The following BLTP1 variants were observed in gnomAD, a reference collection of about 807,000 sequenced individuals.
BLTP1 encodes the protein bridge-like lipid transfer protein family member 1.
chr4:122,264,540 A>C, the BLTP1 span: 1 of 893,380 alleles, frequency 1.1e-6, no homozygotes, highest in Non-Finnish European at 1.5e-6. Context: ...TACCTTACCT[A>C]TCTGCCTACA....
At chr4:122,255,010 C>G in the BLTP1 span, 1 of 1,501,610 alleles carries the variant, frequency 6.7e-7, no homozygotes. Flanking sequence ...GAAAATGACC[C>G]CTTATTGTTA....
the BLTP1 span, among the ~76,000 whole-genome samples, chr4:122,154,691 G>C: frequency 6.6e-6 from 1 of 152,118 alleles, no homozygotes; most frequent in African/African-American, 2.4e-5. Flanking sequence ...GGCTAACATG[G>C]TGAAACCCCG....
chr4:122,362,080 A>G, the BLTP1 span: 1 of 1,613,104 alleles, frequency 6.2e-7, no homozygotes, highest in East Asian at 2.2e-5. Context: ...TGTTGATTAT[A>G]TTCTTCAAAA....
chr4:122,309,037 T>C, the BLTP1 span, among the ~76,000 whole-genome samples: 1 of 152,026 alleles, frequency 6.6e-6, no homozygotes, highest in Non-Finnish European at 1.5e-5. Flanking sequence ...AGGCTTGAGA[T>C]AGAAATGTAG....
chr4:122,277,977 ATACT>A, the BLTP1 span, among the ~76,000 whole-genome samples: 1 of 152,168 alleles, frequency 6.6e-6, no homozygotes, highest in Non-Finnish European at 1.5e-5. Context: ...ATGTGAGAAT[ATACT>A]TATTTTCTTC....
the BLTP1 span, among the ~76,000 whole-genome samples, chr4:122,322,504 C>T: frequency 2.6e-5 from 4 of 152,048 alleles, no homozygotes; most frequent in South Asian, 8.3e-4. Context: ...TTCCAACATC[C>T]CTTCTATGAG....
At chr4:122,282,368 G>A in the BLTP1 span, among the ~76,000 whole-genome samples, 22 of 152,238 alleles carry the variant, frequency 1.4e-4, no homozygotes, top group Middle Eastern at 3.4e-3. Context: ...TTGGCCGGGC[G>A]CAGTGGCTCA....
chr4:122,243,310 A>G, the BLTP1 span: 5 of 693,040 alleles, frequency 7.2e-6, no homozygotes, highest in South Asian at 1.3e-4. Context: ...CTTCAGTATC[A>G]TATTTTTCAT....
At chr4:122,221,938 T>C in the BLTP1 span, 1 of 977,410 alleles carries the variant, frequency 1.0e-6, no homozygotes, top group Non-Finnish European at 1.2e-6. Context: ...ATAGAAAACA[T>C]TTTATTGAGC....
chr4:122,279,840 C>T, the BLTP1 span: 3 of 1,613,986 alleles, frequency 1.9e-6, no homozygotes, highest in African/African-American at 4.0e-5. Context: ...GGGCTGAAGA[C>T]AAACAATGCT....
At chr4:122,189,233 GA>G in the BLTP1 span, 7 of 879,450 alleles carry the variant, frequency 8.0e-6, no homozygotes, top group African/African-American at 9.1e-5. Flanking sequence ...TACATATTTA[GA>G]AAAAAATTGC....
At chr4:122,214,844 T>C in the BLTP1 span, among the ~76,000 whole-genome samples, 20 of 152,010 alleles carry the variant, frequency 1.3e-4, 1 homozygote, top group Admixed American at 1.3e-3. Flanking sequence ...ACTCCTAGGC[T>C]CAAGTGATCT....
chr4:122,199,695 G>A, the BLTP1 span, among the ~76,000 whole-genome samples: 2 of 152,114 alleles, frequency 1.3e-5, no homozygotes, highest in Non-Finnish European at 2.9e-5. Context: ...TGAAAAATAT[G>A]AGAAGTTGTT....
chr4:122,347,607 C>G, the BLTP1 span: 1 of 1,613,802 alleles, frequency 6.2e-7, no homozygotes, highest in Non-Finnish European at 8.5e-7. Flanking sequence ...ACTGCAAGAC[C>G]TGGGAGCAGC....
chr4:122,239,929 G>GA, the BLTP1 span: 2 of 1,613,850 alleles, frequency 1.2e-6, no homozygotes, highest in Non-Finnish European at 1.7e-6. Flanking sequence ...TATCCGGGTA[G>GA]AAAAAAGAAG....
chr4:122,238,224 A>G, the BLTP1 span: 1 of 1,614,086 alleles, frequency 6.2e-7, no homozygotes, highest in East Asian at 2.2e-5. Context: ...TCAGAAGAGA[A>G]CAGTAGTTCT....
chr4:122,177,229 T>A, the BLTP1 span, among the ~76,000 whole-genome samples: 2 of 152,254 alleles, frequency 1.3e-5, no homozygotes, highest in Admixed American at 1.3e-4. Context: ...GCCAAAAATC[T>A]TGACTGCTGT....
At chr4:122,203,527 C>T in the BLTP1 span, among the ~76,000 whole-genome samples, 1 of 151,754 alleles carries the variant, frequency 6.6e-6, no homozygotes, top group Non-Finnish European at 1.5e-5. Flanking sequence ...CTTGCCATAA[C>T]TTTTTAATTC....
At chr4:122,247,985 T>A in the BLTP1 span, 1 of 985,134 alleles carries the variant, frequency 1.0e-6, no homozygotes, top group African/African-American at 1.7e-5. Context: ...GCTGAAATCT[T>A]TATGTGGGAC....
Sources: allele counts gnomAD v4.1 joint callset (sites outside exome capture counted in the v4.1 genomes callset), GRCh38; gene constraint gnomAD v4.1.1; transcripts MANE v1.5; gene names NCBI Gene and HGNC (gene_info 2026-07-23, HGNC 2026-07-21).